The following FAM193A variants were observed in gnomAD, a reference collection of about 807,000 sequenced individuals.
FAM193A encodes family with sequence similarity 193 member A.
FAM193A carries 22 observed loss-of-function variants against 126.5 expected under a neutral mutation model. The ratio of observed to expected loss-of-function variants is 0.17; its 90% CI spans 0.12 to 0.25. The LOEUF is 0.25. Among genes scored for constraint, FAM193A ranks in the 10% least tolerant of loss-of-function variants. The pLI, the probability that FAM193A is intolerant of heterozygous loss-of-function variation, is 1.00. For missense variants in FAM193A, 1,675 were observed against 1,672.8 expected (o/e 1.00, Z -0.02); for synonymous variants, 761 against 646.8 (o/e 1.18, Z -2.68).
intron 13 of FAM193A, among the ~76,000 whole-genome samples, chr4:2,677,569 G>A (rs1714559707): frequency 6.6e-6 from 1 of 151,840 alleles, no homozygotes; most frequent in Non-Finnish European, 1.5e-5. Context: ...GTGAAACCCT[G>A]TCTCTACTAA....
rs1560576317 is a variant in FAM193A, at chr4:2,693,669, C to T, written c.2887C>T (p.Pro963Ser). 5 of 1,614,168 alleles carry T rather than the reference C, an allele frequency of 3.1e-6. No individual in the cohort carries two copies. The highest frequency in any genetic ancestry group is 4.2e-6 in the Non-Finnish European group (5 of 1,179,994). ...GAGGAATAGCCCCACGGGCTTGGCC[C>T]CCCTCCCAGCGCTCTCGCCTGCTGC... ...APRNSPTGLAPLPALSPAALS... is the reference protein window; with the variant it reads ...APRNSPTGLASLPALSPAALS... The change falls in exon 16 of 21, where the codon CCC becomes TCC. Residue 963 changes from proline (P) to serine (S), a missense_variant. Transcript: ENST00000637812.
At chr4:2,536,444 C>T (rs1736874373), upstream of FAM193A, among the ~76,000 whole-genome samples, 1 of 151,862 alleles carries the variant, frequency 6.6e-6, no homozygotes, top group Non-Finnish European at 1.5e-5. Context: ...CCCCCGGGTA[C>T]CCCCAGCTGC....
chr4:2,699,730 G>T lies in FAM193A; in HGVS notation c.3558G>T (p.Leu1186=). Residue 1186 remains leucine, a synonymous_variant, in exon 19 of 21, where the codon CTG becomes CTT. Coordinates refer to ENST00000637812, the MANE Select transcript of FAM193A (RefSeq NM_001366318.2). The stretch of plus-strand genomic sequence containing the variant: ...CAGAGGCCAGGGCCCGGGAGCACCT[G>T]CACCTCCAGGAGGAGCAGAGGCGGC... ...LEAEARAREH[L]HLQEEQRRRE... is the part of the protein sequence containing the mutation. 18 of 1,613,916 alleles carry T rather than the reference G, an allele frequency of 1.1e-5. No homozygotes were observed. Among genetic ancestry groups the T allele is most frequent in the Non-Finnish European group, 1.5e-5 (18 of 1,179,976 alleles).
intron 7 of FAM193A, chr4:2,654,916 G>A (rs1260037285): frequency 6.5e-6 from 3 of 459,614 alleles, no homozygotes; most frequent in African/African-American, 3.9e-5. Context: ...CAGTCATCTC[G>A]CCAGATGCCG....
At chr4:2,714,904 C>A (rs1719377442) in intron 19 of FAM193A, among the ~76,000 whole-genome samples, 1 of 151,970 alleles carries the variant, frequency 6.6e-6, no homozygotes, top group Non-Finnish European at 1.5e-5. Context: ...GTGCACTGCA[C>A]CCCCCCAACC....
At chr4:2,619,289 A>C (rs1742395033) in intron 2 of FAM193A, among the ~76,000 whole-genome samples, 1 of 150,038 alleles carries the variant, frequency 6.7e-6, no homozygotes, top group Non-Finnish European at 1.5e-5. Context: ...TTTTGGGGAG[A>C]TCTGTTTCTT....
chr4:2,556,887 G>A (rs1364627186), intron 1 of FAM193A, among the ~76,000 whole-genome samples: 1 of 152,044 alleles, frequency 6.6e-6, no homozygotes, highest in East Asian at 1.9e-4. Context: ...ATGAGAGGTT[G>A]TAGAATCTAA....
intron 1 of FAM193A, among the ~76,000 whole-genome samples, chr4:2,594,364 G>C (rs927959605): frequency 6.6e-6 from 1 of 152,152 alleles, no homozygotes; most frequent in Non-Finnish European, 1.5e-5. Context: ...GAGACAGCTC[G>C]AGGCTGTGGG....
chr4:2,722,802 T>C (rs947078878), intron 20 of FAM193A, among the ~76,000 whole-genome samples: 2 of 152,088 alleles, frequency 1.3e-5, no homozygotes, highest in Admixed American at 6.5e-5. Flanking sequence ...TAATAACCAT[T>C]TTCAGGTTTC....
intron 5 of FAM193A, among the ~76,000 whole-genome samples, chr4:2,634,249 A>G (rs1245090263): frequency 3.9e-5 from 6 of 152,122 alleles, no homozygotes; most frequent in African/African-American, 1.4e-4. Flanking sequence ...CATGAGCTGG[A>G]GTGTGAATAA....
At chr4:2,581,628 T>G (rs1333130250) in intron 1 of FAM193A, among the ~76,000 whole-genome samples, 1 of 152,026 alleles carries the variant, frequency 6.6e-6, no homozygotes, top group Non-Finnish European at 1.5e-5. Context: ...GAGAAAGTCT[T>G]TCTCCTTTAT....
intron 2 of FAM193A, among the ~76,000 whole-genome samples, chr4:2,606,339 C>T (rs78562048): frequency 0.07 from 10,590 of 152,188 alleles, 652 homozygotes; most frequent in African/African-American, 0.16. Context: ...CGTGAGCCAC[C>T]GCATCCGGCC....
chr4:2,676,803 T>C (rs1332033947), intron 13 of FAM193A, among the ~76,000 whole-genome samples: 4 of 152,050 alleles, frequency 2.6e-5, no homozygotes, highest in African/African-American at 9.7e-5. Flanking sequence ...TAGCCGGGTG[T>C]GGTGGCGGGC....
At chr4:2,670,668 C>T (rs892143067) in intron 12 of FAM193A, among the ~76,000 whole-genome samples, 1 of 152,130 alleles carries the variant, frequency 6.6e-6, no homozygotes, top group Non-Finnish European at 1.5e-5. Context: ...CCATGTTGCC[C>T]AGACTAGGCT....
rs1157894148 is a variant in FAM193A, at chr4:2,627,530, A to G, written c.803+953A>G. Among the ~76,000 whole-genome samples the G allele has an allele frequency of 3.6e-5, 5 of 138,186 alleles. 2 individuals are homozygous for G. In the Admixed American group the frequency reaches 3.7e-4, roughly 10 times the overall value. The allele number at this position is 138,186 out of a possible 152,430, so 90.7% of individuals were successfully genotyped here. ...ATGGCCATTTCATGGGTTGATTCTC[A>G]TTTGGGTTTCTTTCTCACATTTTGA... On this transcript the variant is annotated intron_variant, in intron 4 of 20. Coordinates refer to ENST00000637812, the MANE Select transcript of FAM193A (RefSeq NM_001366318.2).
chr4:2,594,377 G>C (rs1443684276), intron 1 of FAM193A, among the ~76,000 whole-genome samples: 1 of 152,202 alleles, frequency 6.6e-6, no homozygotes, highest in African/African-American at 2.4e-5. Flanking sequence ...GCTGTGGGAA[G>C]AGCTACAGGT....
rs1308243299 is a variant in FAM193A, at chr4:2,537,075, AGCGCGGCAGGCCTGGTGGGCG to A, written c.168_188del (p.Gly57_Ala63del). ...GGCCGCGGGCCTGGCGGCCCCGGGC[AGCGCGGCAGGCCTGGTGGGCG>A]GCGCGGCGGCGGCCAACGGGCCTCT... On this transcript the variant is annotated inframe_deletion, in exon 1 of 21. Transcript: ENST00000637812. The A allele has an allele frequency of 1.4e-5, 2 of 143,870 alleles. No individual in the cohort carries two copies. Among genetic ancestry groups the A allele is most frequent in the Non-Finnish European group, 3.1e-5 (2 of 65,054 alleles). The allele number at this position is 143,870 out of a possible 1,614,324, so 8.9% of individuals were successfully genotyped here.
At chr4:2,616,940 G>A (rs184809027) in intron 2 of FAM193A, among the ~76,000 whole-genome samples, 4,229 of 145,872 alleles carry the variant, frequency 0.029, 212 homozygotes, top group African/African-American at 0.099. Context: ...AGGCTGAGGC[G>A]GGCGGATTAC....
chr4:2,644,082 T>G (rs1744898435), intron 6 of FAM193A, among the ~76,000 whole-genome samples: 1 of 152,234 alleles, frequency 6.6e-6, no homozygotes, highest in South Asian at 2.1e-4. Flanking sequence ...GAAACCTGTT[T>G]GCTGAGCCAT....
Sources: allele counts gnomAD v4.1 joint callset (sites outside exome capture counted in the v4.1 genomes callset), GRCh38; gene constraint gnomAD v4.1.1; transcripts MANE v1.5; gene names NCBI Gene and HGNC (gene_info 2026-07-23, HGNC 2026-07-21).